The following HPSE2 variants were observed in gnomAD, a reference collection of about 807,000 sequenced individuals.
The protein encoded by HPSE2 is heparanase 2 (inactive), also known as inactive heparanase-2.
Under a neutral mutation model 60.5 loss-of-function variants are expected in HPSE2, and 38 were observed. That is an observed-to-expected ratio of 0.63 (90% confidence interval 0.48 to 0.82). The LOEUF is 0.82. HPSE2 is among the 40% of genes least tolerant of loss of function. The probability of loss-of-function intolerance (pLI) is 0.00; values close to 1 mark genes in which losing one functional copy is unlikely to be tolerated. For missense variants in HPSE2, 713 were observed against 740.4 expected (o/e 0.96, Z 0.43); for synonymous variants, 295 against 293.2 (o/e 1.01, Z -0.06).
chr10:98,547,640 C>T (rs2133843985), intron 9 of HPSE2, among the ~76,000 whole-genome samples: 1 of 118,152 alleles, frequency 8.5e-6, no homozygotes, highest in Admixed American at 1.2e-4. Context: ...GAACATCACA[C>T]TCTGGGGACT....
At chr10:99,105,550 T>G (rs375529505) in intron 3 of HPSE2, among the ~76,000 whole-genome samples, 4 of 151,906 alleles carry the variant, frequency 2.6e-5, no homozygotes, top group African/African-American at 9.7e-5. Context: ...ATATATAATA[T>G]GCAATTTTTT....
chr10:98,504,693 G>C (rs1942139919), intron 9 of HPSE2, among the ~76,000 whole-genome samples: 3 of 152,096 alleles, frequency 2.0e-5, no homozygotes, highest in Non-Finnish European at 1.5e-5. Context: ...AGGAGGCTGA[G>C]GCGGGAGAAT....
At chr10:98,623,082 T>TA (rs1946116473) in intron 7 of HPSE2, among the ~76,000 whole-genome samples, 1 of 152,186 alleles carries the variant, frequency 6.6e-6, no homozygotes, top group Non-Finnish European at 1.5e-5. Flanking sequence ...ACAGGATATT[T>TA]AATGTTTAAT....
intron 2 of HPSE2, among the ~76,000 whole-genome samples, chr10:99,186,127 C>CACACACACAT (rs1554912878): frequency 5.4e-5 from 8 of 147,452 alleles, no homozygotes; most frequent in Non-Finnish European, 6.0e-5. Context: ...CACACACACA[C>CACACACACAT]ACACACACAC....
chr10:98,849,131 A>C (rs1435750844), intron 3 of HPSE2, among the ~76,000 whole-genome samples: 1 of 152,196 alleles, frequency 6.6e-6, no homozygotes, highest in African/African-American at 2.4e-5. Context: ...GAGGTTAAGC[A>C]ATTGTCCAAA....
At chr10:99,085,807 C>T (rs551199611) in intron 3 of HPSE2, among the ~76,000 whole-genome samples, 1 of 152,248 alleles carries the variant, frequency 6.6e-6, no homozygotes, top group African/African-American at 2.4e-5. Context: ...CAAAGGTTGG[C>T]CTCAACTATT....
At chr10:99,222,135 G>A (rs1849333677) in intron 2 of HPSE2, among the ~76,000 whole-genome samples, 1 of 151,922 alleles carries the variant, frequency 6.6e-6, no homozygotes, top group African/African-American at 2.4e-5. Flanking sequence ...TTTCCTCTAG[G>A]GGAAAGGCCT....
At chr10:98,554,487 G>A (rs776318641) in intron 9 of HPSE2, among the ~76,000 whole-genome samples, 1 of 152,034 alleles carries the variant, frequency 6.6e-6, no homozygotes, top group African/African-American at 2.4e-5. Context: ...ATGATTATTT[G>A]TACTTAGCTA....
intron 5 of HPSE2, among the ~76,000 whole-genome samples, chr10:98,697,954 T>C (rs1948276276): frequency 1.3e-5 from 2 of 149,960 alleles, no homozygotes; most frequent in South Asian, 2.2e-4. Context: ...CCTAAATATA[T>C]ATGCACCCAA....
At chr10:98,947,326 T>C (rs891260521) in intron 3 of HPSE2, among the ~76,000 whole-genome samples, 1 of 152,160 alleles carries the variant, frequency 6.6e-6, no homozygotes, top group African/African-American at 2.4e-5. Context: ...CTATAGACTA[T>C]AATATGGTTA....
chr10:99,235,053 G>A (rs929918095), intron 1 of HPSE2, among the ~76,000 whole-genome samples: 13 of 150,682 alleles, frequency 8.6e-5, no homozygotes, highest in Non-Finnish European at 1.8e-4. Context: ...TTCCAGTTTC[G>A]TGCAATCCCG....
intron 3 of HPSE2, among the ~76,000 whole-genome samples, chr10:99,123,523 CCTT>C (rs1173363644): frequency 1.3e-5 from 2 of 152,308 alleles, no homozygotes; most frequent in African/African-American, 2.4e-5. Context: ...TCGCTTCTCT[CCTT>C]CTTGTTGCCC....
chr10:98,620,098 T>C (rs568106423), intron 8 of HPSE2, among the ~76,000 whole-genome samples: 16 of 152,336 alleles, frequency 1.1e-4, no homozygotes, highest in African/African-American at 3.8e-4. Flanking sequence ...GGTTGTTAAA[T>C]TATGAAATAT....
At chr10:98,555,599 G>A (rs1243662987) in intron 9 of HPSE2, among the ~76,000 whole-genome samples, 2 of 152,154 alleles carry the variant, frequency 1.3e-5, no homozygotes, top group Admixed American at 6.6e-5. Context: ...ATAAGCCCAC[G>A]TGATTCTATA....
chr10:98,879,193 T>C (rs552298390), intron 3 of HPSE2, among the ~76,000 whole-genome samples: 5 of 152,122 alleles, frequency 3.3e-5, no homozygotes, highest in African/African-American at 1.2e-4. Flanking sequence ...GTTTTTACCA[T>C]GTAAATGGTA....
rs1554974931 is a variant in HPSE2 at position 98,716,466 on chromosome 10, T to TAAATAAA, written c.956+5190_956+5191insTTTATTT. ...AAAAATAAATAAATAAATAAATAAA[T>TAAATAAA]TTAAAAAAATAATGCTATTTCAACC... On this transcript the variant is annotated intron_variant, in intron 5 of 11. Coordinates refer to ENST00000370552, the MANE Select transcript of HPSE2 (RefSeq NM_021828.5). Among the ~76,000 whole-genome samples, 20 of 150,692 alleles carry TAAATAAA rather than the reference T, an allele frequency of 1.3e-4. No homozygotes were observed. In the East Asian group the frequency reaches 1.9e-3, roughly 15 times the overall value.
intron 3 of HPSE2, among the ~76,000 whole-genome samples, chr10:99,006,899 G>A (rs1956907369): frequency 6.6e-6 from 1 of 151,700 alleles, no homozygotes; most frequent in South Asian, 2.1e-4. Flanking sequence ...GGTGGGCTTG[G>A]AAGCTCAATT....
intron 4 of HPSE2, among the ~76,000 whole-genome samples, chr10:98,743,209 G>A (rs1219671588): frequency 2.0e-5 from 3 of 151,846 alleles, no homozygotes; most frequent in Non-Finnish European, 4.4e-5. Flanking sequence ...CTGACCTCGT[G>A]ATCCGCCTAC....
At chr10:98,515,062 G>C (rs1942555558) in intron 9 of HPSE2, among the ~76,000 whole-genome samples, 1 of 152,104 alleles carries the variant, frequency 6.6e-6, no homozygotes, top group African/African-American at 2.4e-5. Context: ...GGTCTCCCTT[G>C]AGGCAAGCAA....
Sources: allele counts gnomAD v4.1 joint callset (sites outside exome capture counted in the v4.1 genomes callset), GRCh38; gene constraint gnomAD v4.1.1; transcripts MANE v1.5; gene names NCBI Gene and HGNC (gene_info 2026-07-23, HGNC 2026-07-21).